UTS2B: variants seen among roughly 807,000 people sequenced by gnomAD.
UTS2B encodes urotensin-2B.
A neutral mutation model predicts 19.2 loss-of-function variants in UTS2B; 21 were observed. The ratio of observed to expected loss-of-function variants is 1.09; its 90% CI spans 0.78 to 1.58. The LOEUF (loss-of-function observed/expected upper bound fraction) is 1.58, where lower values mean the gene tolerates loss of function less well. Among genes scored for constraint, UTS2B ranks in the 40% most tolerant of loss-of-function variants. UTS2B has a pLI of 0.00. For synonymous variants in UTS2B, 57 were observed against 50.2 expected (o/e 1.14, Z -0.58); for missense variants, 138 against 130.3 (o/e 1.06, Z -0.29).
At chr3:191,319,699 A>C (rs1420492829) in intron 2 of UTS2B, among the ~76,000 whole-genome samples, 1 of 111,896 alleles carries the variant, frequency 8.9e-6, no homozygotes, top group African/African-American at 2.9e-5. Context: ...CTCTGCTAAA[A>C]ATACAAAAAA....
At chr3:191,270,597 T>C (rs1014320794) in intron 8 of UTS2B, among the ~76,000 whole-genome samples, 1 of 152,224 alleles carries the variant, frequency 6.6e-6, no homozygotes, top group African/African-American at 2.4e-5. Context: ...ATTTTTTTTC[T>C]ATTCCTTAGC....
intron 8 of UTS2B, among the ~76,000 whole-genome samples, chr3:191,270,201 C>T (rs1001560860): frequency 1.3e-5 from 2 of 152,174 alleles, no homozygotes; most frequent in Non-Finnish European, 2.9e-5. Context: ...CAGCACTGCA[C>T]TTCATGTATA....
intron 7 of UTS2B, 73 bp from the exon 8 acceptor site, chr3:191,275,418 T>C (rs1382451643): frequency 3.3e-6 from 4 of 1,230,718 alleles, no homozygotes; most frequent in South Asian, 2.4e-5. Context: ...CGGTGGCTTA[T>C]GCCTGTAATC....
the UTS2B span, among the ~76,000 whole-genome samples, chr3:191,344,858 C>T: frequency 2.6e-5 from 4 of 152,332 alleles, no homozygotes; most frequent in East Asian, 1.9e-4. Flanking sequence ...GGATTACAGG[C>T]GTGAGCCACC....
At chr3:191,334,211 T>A (rs147931743), upstream of UTS2B, among the ~76,000 whole-genome samples, 145 of 152,266 alleles carry the variant, frequency 9.5e-4, no homozygotes, top group African/African-American at 3.5e-3. Flanking sequence ...ATGAACATGA[T>A]CTTTGCTGTG....
intron 8 of UTS2B, among the ~76,000 whole-genome samples, chr3:191,274,851 T>C (rs1716186874): frequency 6.6e-6 from 1 of 152,246 alleles, no homozygotes; most frequent in Admixed American, 6.5e-5. Context: ...TTAAATGCTA[T>C]GAATCGAACC....
At chr3:191,275,811 CAAAG>C (rs1178946047) in intron 7 of UTS2B, among the ~76,000 whole-genome samples, 3 of 149,732 alleles carry the variant, frequency 2.0e-5, no homozygotes, top group East Asian at 3.9e-4. Flanking sequence ...GAAATAGAAA[CAAAG>C]GAAGAAAAAA....
At chr3:191,302,918 C>G (rs1335698157) in intron 4 of UTS2B, among the ~76,000 whole-genome samples, 1 of 152,206 alleles carries the variant, frequency 6.6e-6, no homozygotes, top group Non-Finnish European at 1.5e-5. Context: ...GTTCCCTTAA[C>G]TCACTAAAGA....
chr3:191,283,526 A>G (rs1414739233), intron 4 of UTS2B, among the ~76,000 whole-genome samples: 2 of 151,992 alleles, frequency 1.3e-5, no homozygotes, highest in Non-Finnish European at 2.9e-5. Flanking sequence ...TTAGTTATGT[A>G]TTTGCGAGTC....
intron 4 of UTS2B, among the ~76,000 whole-genome samples, chr3:191,302,230 A>C (rs1717024349): frequency 6.6e-6 from 1 of 152,240 alleles, no homozygotes; most frequent in African/African-American, 2.4e-5. Context: ...TCCCGCCAGC[A>C]TCATGACAGT....
At chr3:191,344,089 C>T in the UTS2B span, among the ~76,000 whole-genome samples, 13 of 152,196 alleles carry the variant, frequency 8.5e-5, no homozygotes, top group Admixed American at 8.5e-4. Flanking sequence ...CAGTAATATA[C>T]TCAAGACCCT....
intron 2 of UTS2B, among the ~76,000 whole-genome samples, chr3:191,324,496 G>T (rs1025694786): frequency 4.6e-5 from 7 of 152,110 alleles, no homozygotes; most frequent in African/African-American, 1.7e-4. Context: ...TCTTTCCCAT[G>T]CTATTCTCCT....
chr3:191,306,311 A>G (rs1380195354), intron 3 of UTS2B, among the ~76,000 whole-genome samples: 1 of 152,252 alleles, frequency 6.6e-6, no homozygotes, highest in Non-Finnish European at 1.5e-5. Context: ...AGACATAAAA[A>G]GCACAAGTTA....
At chr3:191,322,687 G>A (rs1048839005) in intron 2 of UTS2B, among the ~76,000 whole-genome samples, 1 of 152,072 alleles carries the variant, frequency 6.6e-6, no homozygotes, top group African/African-American at 2.4e-5. Context: ...AAGTTTTAGA[G>A]GAAAAAATAA....
chr3:191,329,868 T>C, intron 1 of UTS2B: 1 of 681,490 alleles, frequency 1.5e-6, no homozygotes, highest in Non-Finnish European at 2.3e-6. Flanking sequence ...TGAAAGGAAT[T>C]GAATTCAGGT....
intron 6 of UTS2B, among the ~76,000 whole-genome samples, chr3:191,277,835 A>G (rs537361810): frequency 1.3e-5 from 2 of 151,762 alleles, no homozygotes; most frequent in Non-Finnish European, 3.0e-5. Context: ...TTTTAACTAT[A>G]TGTTTACCAA....
At chr3:191,269,984 A>AACT (rs757038440) in intron 8 of UTS2B, among the ~76,000 whole-genome samples, 1 of 152,242 alleles carries the variant, frequency 6.6e-6, no homozygotes, top group Non-Finnish European at 1.5e-5. Context: ...CTGTCTTGTT[A>AACT]ACTCTTGTAT....
the UTS2B span, among the ~76,000 whole-genome samples, chr3:191,341,345 C>G: frequency 6.6e-6 from 1 of 152,082 alleles, no homozygotes; most frequent in Non-Finnish European, 1.5e-5. Flanking sequence ...CTAATTTAGT[C>G]CTCACAACAT....
intron 4 of UTS2B, chr3:191,294,507 T>A (rs1716806027): frequency 6.6e-6 from 1 of 151,948 alleles, no homozygotes; most frequent in African/African-American, 2.4e-5. Context: ...AAGGGTGGAC[T>A]CCTTGGCCAA....
Sources: gnomAD v4.1 joint callset for allele counts (sites outside exome capture counted in the v4.1 genomes callset) on GRCh38, gnomAD v4.1.1 for gene constraint, MANE v1.5 for transcripts, NCBI Gene and HGNC (gene_info 2026-07-23, HGNC 2026-07-21) for gene names.